The following EML5 variants were observed in gnomAD, a reference collection of about 807,000 sequenced individuals.
The protein encoded by EML5 is EMAP like 5.
A neutral mutation model predicts 250.0 loss-of-function variants in EML5; 120 were observed. The observed-to-expected ratio is 0.48, with a 90% confidence interval of 0.41 to 0.56. The LOEUF is 0.56. EML5 is among the 20% of genes least tolerant of loss of function. EML5 has a pLI of 0.00. For missense variants in EML5, 2,006 were observed against 2,437.6 expected, an observed-to-expected ratio of 0.82 and a Z score of 3.73; for synonymous variants, 771 against 806.5, an observed-to-expected ratio of 0.96 and a Z score of 0.75.
At chr14:88,636,683 TA>T (rs2090757798) in intron 32 of EML5, among the ~76,000 whole-genome samples, 1 of 151,726 alleles carries the variant, frequency 6.6e-6, no homozygotes, top group South Asian at 2.1e-4. Context: ...AAATAAAAGA[TA>T]AGAACTAGAT....
rs189313473 is a variant in EML5, at chr14:88,775,937, G to T, written c.197+16370C>A. 3.9e-4 allele frequency among the ~76,000 whole-genome samples: 59 copies of T among 152,300 alleles called. 1 individual carries two copies. Among genetic ancestry groups the T allele is most frequent in the African/African-American group, 1.4e-3 (59 of 41,568 alleles). ...AGAGAGAGAGAGACTCCATTTGTTT[G>T]GGAGAAAGTAAGAGAAATGAGTAAG... is the stretch of plus-strand genomic sequence containing the variant. On this transcript the variant is annotated intron_variant, in intron 1 of 43. Coordinates refer to ENST00000554922, the MANE Select transcript of EML5 (RefSeq NM_183387.3).
chr14:88,706,522 A>G (rs2093320531), intron 10 of EML5, 96 bp from the exon 11 acceptor site: 1 of 917,364 alleles, frequency 1.1e-6, no homozygotes, highest in Non-Finnish European at 1.5e-6. Context: ...TCATCCTTCT[A>G]TCTGAATTAT....
At chr14:88,749,000 GA>G (rs57461245) in intron 2 of EML5, among the ~76,000 whole-genome samples, 226 of 140,068 alleles carry the variant, frequency 1.6e-3, no homozygotes, top group Admixed American at 2.6e-3. Context: ...CAGAGGAAAA[GA>G]AAAAAAAAAA....
chr14:88,702,358 T>G, intron 14 of EML5, 88 bp downstream of exon 14: 2 of 1,030,506 alleles, frequency 1.9e-6, no homozygotes, highest in Non-Finnish European at 2.7e-6. Flanking sequence ...CTTCATATCC[T>G]AGAACATAAA....
chr14:88,751,188 T>C (rs2094088860), intron 2 of EML5, among the ~76,000 whole-genome samples: 2 of 152,162 alleles, frequency 1.3e-5, no homozygotes, highest in Admixed American at 1.3e-4. Context: ...AAGGTAGAAA[T>C]GACACAGCAA....
chr14:88,760,115 A>G (rs2094217669), intron 1 of EML5, among the ~76,000 whole-genome samples: 1 of 152,178 alleles, frequency 6.6e-6, no homozygotes, highest in African/African-American at 2.4e-5. Flanking sequence ...TTTCTCCCAG[A>G]CTGTAGCTTT....
chr14:88,706,072 T>C lies in EML5; in HGVS notation c.1825+187A>G, dbSNP rs150336929. On this transcript the variant is annotated intron_variant, in intron 11 of 43. Coordinates refer to ENST00000554922, the MANE Select transcript of EML5 (RefSeq NM_183387.3). ...TTAAAACGCAATCAAAATTACTTTG[T>C]ATTTCACACTCTGTGACATCTAACT... 1.4e-3 allele frequency among the ~76,000 whole-genome samples: 217 copies of C among 152,322 alleles called. 2 individuals carry two copies. Among genetic ancestry groups the C allele is most frequent in the African/African-American group, 4.9e-3 (203 of 41,582 alleles).
Position 88,759,698 on chromosome 14 carries a change from A to AAAAAAAAAAAAAAC in EML5, c.198-5028_198-5027insGTTTTTTTTTTTTT, listed in dbSNP as rs758968634. On this transcript the variant is annotated intron_variant, in intron 1 of 43. Transcript: ENST00000554922. Reference sequence around the variant, plus strand: ...GTCACCATCTCTTAAAAAAAAAAAAAAAAAAACTGGGGAGAAAAACTATGC... The same window carrying AAAAAAAAAAAAAAC: ...GTCACCATCTCTTAAAAAAAAAAAAAAAAAAAAAAAAAACAAAAAACTGGGGAGAAAAACTATGC... Among the ~76,000 whole-genome samples, 977 of 142,016 alleles carry AAAAAAAAAAAAAAC rather than the reference A, an allele frequency of 6.9e-3. 25 individuals are homozygous for AAAAAAAAAAAAAAC. Among genetic ancestry groups the AAAAAAAAAAAAAAC allele is most frequent in the African/African-American group, 0.02 (723 of 36,954 alleles). 93.2% of individuals were successfully genotyped at this position (142,016 alleles called of 152,430 possible).
intron 35 of EML5, chr14:88,625,925 G>A (rs1157138303): frequency 6.6e-6 from 1 of 152,162 alleles, no homozygotes; most frequent in Admixed American, 6.5e-5. Context: ...GCCAATGCAG[G>A]ATATTAAAGG....
chr14:88,661,843 A>C lies in EML5; in HGVS notation c.3499-13T>G. ...CAATTTTTTCTACCTAAAAATGAAA[A>C]ACAATGCTGTAAGTTTGGATTATCC... On this transcript the variant is annotated splice_polypyrimidine_tract_variant and intron_variant, in intron 24 of 43. Coordinates refer to ENST00000554922, the MANE Select transcript of EML5 (RefSeq NM_183387.3). 6.2e-7 allele frequency: 1 copy of C among 1,601,632 alleles called. No homozygotes were observed. The highest frequency in any genetic ancestry group is 8.5e-7 in the Non-Finnish European group (1 of 1,173,032).
intron 29 of EML5, among the ~76,000 whole-genome samples, chr14:88,646,423 T>G (rs2091350381): frequency 6.6e-6 from 1 of 152,146 alleles, no homozygotes; most frequent in African/African-American, 2.4e-5. Flanking sequence ...AAAATAAAAC[T>G]GAATTTATCA....
At chr14:88,759,698 A>AAAAAAAAAAAAAATAC (rs758968634) in intron 1 of EML5, among the ~76,000 whole-genome samples, 1 of 142,112 alleles carries the variant, frequency 7.0e-6, no homozygotes, top group Non-Finnish European at 1.5e-5. Context: ...AAAAAAAAAA[A>AAAAAAAAAAAAAATAC]AAAAAACTGG....
At chr14:88,731,068 C>T (rs2093749039) in intron 7 of EML5, among the ~76,000 whole-genome samples, 1 of 151,776 alleles carries the variant, frequency 6.6e-6, no homozygotes, top group Non-Finnish European at 1.5e-5. Context: ...GCTTTAATGT[C>T]TTTTTATATT....
Position 88,714,973 on chromosome 14 carries a change from A to G in EML5, c.1410T>C (p.Asp470=), listed in dbSNP as rs777644272. 6.2e-7 allele frequency: 1 copy of G among 1,612,826 alleles called. No individual in the cohort carries two copies. Among genetic ancestry groups the G allele is most frequent in the African/African-American group, 1.3e-5 (1 of 75,020 alleles). Reference sequence around the variant, plus strand: ...TATAAAAAAGTCTTTTCCCATTTCCATCATTTGTCTGCAAATATCTACTGT... The same window carrying G: ...TATAAAAAAGTCTTTTCCCATTTCCGTCATTTGTCTGCAAATATCTACTGT... The part of the protein sequence containing the change: ...SSDSRYLQTN[D]GNGKRLFYRM... The change falls in exon 9 of 44, where the codon GAT becomes GAC. Residue 470 remains aspartate (D), a synonymous_variant. Transcript: ENST00000554922.
intron 14 of EML5, among the ~76,000 whole-genome samples, chr14:88,698,051 A>G (rs1030784131): frequency 2.0e-5 from 3 of 152,242 alleles, no homozygotes; most frequent in East Asian, 1.9e-4. Context: ...TTGATTTTAT[A>G]AAAAGATATA....
intron 12 of EML5, 106 bp from the exon 13 acceptor site, chr14:88,705,084 A>C (rs1189174728): frequency 4.2e-6 from 3 of 709,786 alleles, no homozygotes; most frequent in Admixed American, 6.2e-5. Flanking sequence ...CAACAGCTTT[A>C]ATAGTAGTCT....
chr14:88,778,584 T>C (rs2094468800), intron 1 of EML5, among the ~76,000 whole-genome samples: 1 of 152,186 alleles, frequency 6.6e-6, no homozygotes, highest in Admixed American at 6.5e-5. Flanking sequence ...ATCCAGGCCA[T>C]CCTGGCAAAC....
Position 88,688,381 on chromosome 14 carries a change from C to T in EML5, c.2632G>A (p.Ala878Thr), listed in dbSNP as rs1271852212. The T allele has an allele frequency of 2.5e-6, 4 of 1,613,858 alleles. No individual in the cohort carries two copies. The Admixed American group carries it at 5.0e-5, about 20-fold the overall frequency. The change falls in exon 18 of 44, where the codon GCT becomes ACT. Residue 878 changes from alanine (A) to threonine (T), a missense_variant. Ala to Thr is a moderately conservative substitution (Grantham distance 58, BLOSUM62 0). This residue lies in a region of EML5 where 1,375 missense variants were observed against 1,590.3 expected (regional missense o/e 0.86). Coordinates refer to ENST00000554922, the MANE Select transcript of EML5 (RefSeq NM_183387.3). ...TCTCCTGTGGATGTTCCAGAAAAAG[C>T]CATCTCTTCAGTCCATCCATACACT... is the stretch of plus-strand genomic sequence containing the variant. ...CAVYGWTEEMAFSGTSTGDVC... is the reference protein window; with the variant it reads ...CAVYGWTEEMTFSGTSTGDVC...
intron 1 of EML5, among the ~76,000 whole-genome samples, chr14:88,772,483 C>T (rs149508632): frequency 6.6e-6 from 1 of 152,184 alleles, no homozygotes; most frequent in Admixed American, 6.5e-5. Flanking sequence ...TTCGGCCGGA[C>T]GAGGTAGCTC....
Sources: gnomAD v4.1 joint callset for allele counts (sites outside exome capture counted in the v4.1 genomes callset) on GRCh38, gnomAD v4.1.1 for gene constraint, gnomAD v4.1.1 regional missense constraint, MANE v1.5 for transcripts, NCBI Gene and HGNC (gene_info 2026-07-23, HGNC 2026-07-21) for gene names.